Variants in PCDHGA3 observed in about 807,000 individuals in gnomAD.
The protein encoded by PCDHGA3 is protocadherin gamma-A3.
Under a neutral mutation model 58.5 loss-of-function variants are expected in PCDHGA3, and 40 were observed. The observed-to-expected ratio is 0.68, with a 90% CI of 0.53 to 0.89. The LOEUF (loss-of-function observed/expected upper bound fraction) is 0.89. Ranked by LOEUF, PCDHGA3 falls within the 40% of genes least tolerant of loss-of-function variation. The probability of loss-of-function intolerance (pLI) is 0.00; values close to 1 mark genes in which losing one functional copy is unlikely to be tolerated. For missense variants in PCDHGA3, 1,223 were observed against 1,195.9 expected, an observed-to-expected ratio of 1.02 and a Z score of -0.33; for synonymous variants, 530 against 525.7, an observed-to-expected ratio of 1.01 and a Z score of -0.11.
intron 1 of PCDHGA3, chr5:141,351,569 CACATCTCCG>C: frequency 6.2e-7 from 1 of 1,614,062 alleles, no homozygotes; most frequent in Non-Finnish European, 8.5e-7. Flanking sequence ...CATCACCCTG[CACATCTCCG>C]ACATCAACGA....
At chr5:141,494,758 T>A (rs370692038) in intron 1 of PCDHGA3, 49 bp from the exon 2 acceptor site, 2 of 1,613,800 alleles carry the variant, frequency 1.2e-6, no homozygotes, top group Admixed American at 3.3e-5. Context: ...CGGGTGACAT[T>A]CTAACTTCTC....
intron 1 of PCDHGA3, among the ~76,000 whole-genome samples, chr5:141,481,692 G>A (rs1231630072): frequency 3.3e-5 from 5 of 152,020 alleles, no homozygotes; most frequent in East Asian, 1.9e-4. Context: ...GGTGGCTCAC[G>A]CCTGTAATCC....
chr5:141,484,922 GC>G (rs869160673), intron 1 of PCDHGA3: 1 of 481,378 alleles, frequency 2.1e-6, no homozygotes, highest in South Asian at 2.8e-5. Context: ...TAACCCTGCT[GC>G]TGTTGGGACG....
At chr5:141,360,919 C>G in intron 1 of PCDHGA3, 1 of 1,614,012 alleles carries the variant, frequency 6.2e-7, no homozygotes, top group Non-Finnish European at 8.5e-7. Context: ...CTTCTTTGTG[C>G]TTCAAGTGAC....
chr5:141,485,247 G>T lies in PCDHGA3; in HGVS notation c.2425-9560G>T. On this transcript the variant is annotated intron_variant, in intron 1 of 3. Coordinates refer to ENST00000253812, the MANE Select transcript of PCDHGA3 (RefSeq NM_018916.4). The surrounding 1 kb of genome is among the most constrained non-coding windows in gnomAD (Gnocchi z 5.7). ...CTTTTGTTCCTCTTTTACCACCTGG[G>T]TTACGTTTGTGGGCAGATCCGCTAC... The T allele has an allele frequency of 2.5e-6, 4 of 1,614,156 alleles. No individual in the cohort carries two copies. The highest frequency in any genetic ancestry group is 3.4e-6 in the Non-Finnish European group (4 of 1,180,010).
chr5:141,477,042 G>A lies in PCDHGA3; in HGVS notation c.2425-17765G>A. ...ACCGGGATGCTGACAATCAAGGGTC[G>A]GCTGGACTTCGAGGACACCAAACTC... On this transcript the variant is annotated intron_variant, in intron 1 of 3. Transcript: ENST00000253812. This position sits in a 1 kb window ranked among gnomAD's most constrained non-coding sequence, Gnocchi z 4.9. 1 of 1,614,238 alleles carries A rather than the reference G, an allele frequency of 6.2e-7. No homozygotes were observed. Among genetic ancestry groups the A allele is most frequent in the Non-Finnish European group, 8.5e-7 (1 of 1,180,040 alleles).
At chr5:141,372,542 A>G in intron 1 of PCDHGA3, 1 of 1,613,892 alleles carries the variant, frequency 6.2e-7, no homozygotes, top group Non-Finnish European at 8.5e-7. Context: ...TGCGCCTGCG[A>G]TGCTCCTCCA....
At chr5:141,507,798 GCCCT>G (rs2099863561) in intron 3 of PCDHGA3, among the ~76,000 whole-genome samples, 1 of 152,188 alleles carries the variant, frequency 6.6e-6, no homozygotes, top group Admixed American at 6.5e-5. Context: ...CTAAGCCTGC[GCCCT>G]GGGGAACGGA....
chr5:141,421,203 G>T, intron 1 of PCDHGA3: 1 of 1,522,612 alleles, frequency 6.6e-7, no homozygotes, highest in Non-Finnish European at 8.8e-7. Flanking sequence ...TCGAGAAACC[G>T]CGGAATATCG....
intron 1 of PCDHGA3, chr5:141,382,788 ATCCT>A: frequency 1.1e-6 from 1 of 917,668 alleles, no homozygotes; most frequent in Non-Finnish European, 1.7e-6. Flanking sequence ...TCAAGCCTCT[ATCCT>A]GCTGGATTCT....
chr5:141,492,332 G>A (rs2099739439), intron 1 of PCDHGA3, among the ~76,000 whole-genome samples: 1 of 152,204 alleles, frequency 6.6e-6, no homozygotes. Flanking sequence ...GGGCTTACGC[G>A]AATACCAGCT....
In PCDHGA3 at chr5:141,491,908, G is replaced by T; in HGVS notation, c.2425-2899G>T. ...GGGGCTCCGAGCACCGGGGGTGGTG[G>T]CGACTGTGGGCGAGGGGAGGTGGGA... On this transcript the variant is annotated intron_variant, in intron 1 of 3. Transcript: ENST00000253812. The surrounding 1 kb of genome is among the most constrained non-coding windows in gnomAD (Gnocchi z 6.9). 7.1e-7 allele frequency: 1 copy of T among 1,408,288 alleles called. No homozygotes were observed. Among genetic ancestry groups the T allele is most frequent in the Non-Finnish European group, 9.4e-7 (1 of 1,060,836 alleles). The allele number at this position is 1,408,288 out of a possible 1,614,324, so 87.2% of individuals were successfully genotyped here. A position where few individuals can be genotyped will look rare whatever the true frequency, so the allele number is the denominator to read the frequency against.
rs774582698 is a variant in PCDHGA3, at chr5:141,360,234, C to G, written c.2424+13777C>G. 1.9e-6 allele frequency: 3 copies of G among 1,613,870 alleles called. No individual in the cohort carries two copies. In the South Asian group the frequency reaches 3.3e-5, roughly 18 times the overall value. On this transcript the variant is annotated intron_variant, in intron 1 of 3. Coordinates refer to ENST00000253812, the MANE Select transcript of PCDHGA3 (RefSeq NM_018916.4). ...TCCCCGGGGCTCTCCCAGTCCAGAT[C>G]CGCTATTCAATTCCAGAGGAGCTGG...
chr5:141,395,179 A>T (rs1031739375), intron 1 of PCDHGA3: 2 of 1,614,164 alleles, frequency 1.2e-6, no homozygotes, highest in Non-Finnish European at 1.7e-6. Context: ...GAGAAAAATG[A>T]TTCTTTGTTA....
At chr5:141,385,389 C>T in intron 1 of PCDHGA3, 2 of 1,506,522 alleles carry the variant, frequency 1.3e-6, no homozygotes, top group Non-Finnish European at 1.8e-6. Flanking sequence ...TATTATTTTG[C>T]AAAACAAATG....
At chr5:141,478,862 C>A in intron 1 of PCDHGA3, 1 of 1,326,032 alleles carries the variant, frequency 7.5e-7, no homozygotes, top group Non-Finnish European at 1.0e-6. Context: ...AAGATCTCAG[C>A]GATCAGAGTT....
chr5:141,418,891 C>G (rs774546487), intron 1 of PCDHGA3: 4 of 1,613,842 alleles, frequency 2.5e-6, no homozygotes, highest in East Asian at 2.2e-5. Context: ...ACGACAACAG[C>G]CCAGAAATAA....
At chr5:141,387,473 G>C (rs1032850562) in intron 1 of PCDHGA3, among the ~76,000 whole-genome samples, 2 of 152,190 alleles carry the variant, frequency 1.3e-5, no homozygotes. Context: ...CCTCAAAGTT[G>C]GGATGAAGGC....
chr5:141,432,706 C>G lies in PCDHGA3; in HGVS notation c.2425-62101C>G, dbSNP rs761752571. The G allele has an allele frequency of 6.2e-7, 1 of 1,613,988 alleles. No homozygotes were observed. Among genetic ancestry groups the G allele is most frequent in the African/African-American group, 1.3e-5 (1 of 75,072 alleles). Reference sequence around the variant, plus strand: ...GCCTCGTAGTGGCCGTCCAGGACCACGGCCAGCCCCCTCTCTCCGCCACTG... The same window carrying G: ...GCCTCGTAGTGGCCGTCCAGGACCAGGGCCAGCCCCCTCTCTCCGCCACTG... On this transcript the variant is annotated intron_variant, in intron 1 of 3. Transcript: ENST00000253812. The surrounding 1 kb of genome is among the most constrained non-coding windows in gnomAD (Gnocchi z 6.0).
Sources: allele counts gnomAD v4.1 joint callset (sites outside exome capture counted in the v4.1 genomes callset), GRCh38; gene constraint gnomAD v4.1.1; non-coding constraint Gnocchi (gnomAD v3.1); transcripts MANE v1.5; gene names NCBI Gene and HGNC (gene_info 2026-07-23, HGNC 2026-07-21).